The following RAP2A variants were observed in gnomAD, a reference collection of about 807,000 sequenced individuals.
RAP2A encodes ras-related protein Rap-2a.
RAP2A carries 5 observed loss-of-function variants against 15.1 expected under a neutral mutation model. The observed-to-expected ratio is 0.33, with a 90% CI of 0.17 to 0.70. The LOEUF (loss-of-function observed/expected upper bound fraction) is 0.70. Ranked by LOEUF, RAP2A falls within the 30% of genes least tolerant of loss-of-function variation. The pLI is 0.68. For synonymous variants in RAP2A, 110 were observed against 99.7 expected (o/e 1.10, Z -0.62); for missense variants, 111 against 240.3 (o/e 0.46, Z 3.56).
rs889346928 is a variant in RAP2A, at chr13:97,439,231, G to A, written c.314+4447G>A. On this transcript the variant is annotated intron_variant, in intron 1 of 1. Transcript: ENST00000245304. ...TAAAGACTTAGGAGTTGATCATGTA[G>A]TCAAGGACCATAATCACAATTGTCA... 5.3e-5 allele frequency among the ~76,000 whole-genome samples: 8 copies of A among 152,208 alleles called. No individual in the cohort carries two copies. The East Asian group carries it at 1.5e-3, about 29-fold the overall frequency.
In RAP2A at chr13:97,452,141, C is replaced by T. The variant is rs1289630817; in HGVS notation, c.315-12064C>T. ...CATAAATTCTTAATTTTATTGAAGT[C>T]AAATTTTAAATTCTTTTTATGGTTA... is the stretch of plus-strand genomic sequence containing the variant. On this transcript the variant is annotated intron_variant, in intron 1 of 1. Transcript: ENST00000245304. Among the ~76,000 whole-genome samples the T allele has an allele frequency of 2.6e-5, 4 of 150,976 alleles. 1 individual carries two copies. Among genetic ancestry groups the T allele is most frequent in the African/African-American group, 9.8e-5 (4 of 40,904 alleles).
rs1021202353 is a variant in RAP2A, at chr13:97,468,805, G to A, written c.*4363G>A. ...ATCAATAGTGGATAGTTGGAAGAAC[G>A]TCTTTGAGGCTAAAAAGTAGTACTC... On this transcript the variant is annotated 3_prime_UTR_variant, in exon 2 of 2. Coordinates refer to ENST00000245304, the MANE Select transcript of RAP2A (RefSeq NM_021033.7). 1.1e-4 allele frequency: 16 copies of A among 152,262 alleles called. No homozygotes were observed. Among genetic ancestry groups the A allele is most frequent in the African/African-American group, 3.1e-4 (13 of 41,566 alleles). The allele number at this position is 152,262 out of a possible 1,614,324, so 9.4% of individuals were successfully genotyped here. A position where few individuals can be genotyped will look rare whatever the true frequency, so the allele number is the denominator to read the frequency against.
Position 97,434,237 on chromosome 13 carries a change from C to T in RAP2A, c.-234C>T, listed in dbSNP as rs1276459486. On this transcript the variant is annotated 5_prime_UTR_variant, in exon 1 of 2. Transcript: ENST00000245304. ...CTCTCTCTGCTCGCCCTCAGTCCCA[C>T]CCGGTGCCTACGGGGCCGCATCGCC... is the stretch of plus-strand genomic sequence containing the variant. 1.3e-5 allele frequency: 2 copies of T among 150,078 alleles called. No homozygotes were observed. The highest frequency in any genetic ancestry group is 2.9e-5 in the Non-Finnish European group (2 of 69,042). The allele number at this position is 150,078 out of a possible 1,614,324, so 9.3% of individuals were successfully genotyped here.
chr13:97,440,666 T>C (rs193263023), intron 1 of RAP2A, among the ~76,000 whole-genome samples: 2 of 152,196 alleles, frequency 1.3e-5, no homozygotes, highest in East Asian at 1.9e-4. Flanking sequence ...GAGGTATGAT[T>C]GATGTACAAA....
At chr13:97,441,528 T>C (rs2066657582) in intron 1 of RAP2A, among the ~76,000 whole-genome samples, 1 of 152,152 alleles carries the variant, frequency 6.6e-6, no homozygotes, top group Non-Finnish European at 1.5e-5. Flanking sequence ...TATATGTACA[T>C]ATTTTTAAGC....
chr13:97,458,528 C>G (rs924895750), intron 1 of RAP2A, among the ~76,000 whole-genome samples: 1 of 152,124 alleles, frequency 6.6e-6, no homozygotes, highest in African/African-American at 2.4e-5. Context: ...GCCAGTGATT[C>G]CTAAACCCTG....
At chr13:97,441,277 GAATA>G (rs1300632254) in intron 1 of RAP2A, among the ~76,000 whole-genome samples, 2 of 151,942 alleles carry the variant, frequency 1.3e-5, no homozygotes, top group Admixed American at 6.6e-5. Context: ...CTACAATAAG[GAATA>G]ATTATACTAA....
At chr13:97,444,418 T>TG (rs1246766223) in intron 1 of RAP2A, among the ~76,000 whole-genome samples, 2 of 152,222 alleles carry the variant, frequency 1.3e-5, no homozygotes, top group African/African-American at 4.8e-5. Flanking sequence ...CAAATATGCA[T>TG]GGGGTGAAGA....
At chr13:97,459,952 A>G (rs2066739565) in intron 1 of RAP2A, among the ~76,000 whole-genome samples, 1 of 152,220 alleles carries the variant, frequency 6.6e-6, no homozygotes, top group South Asian at 2.1e-4. Flanking sequence ...TACATGATGT[A>G]TTGATTGTTC....
At chr13:97,438,444 T>C (rs2066643082) in intron 1 of RAP2A, among the ~76,000 whole-genome samples, 1 of 152,222 alleles carries the variant, frequency 6.6e-6, no homozygotes, top group Non-Finnish European at 1.5e-5. Flanking sequence ...TCCTACTCCG[T>C]CTTTCACCCT....
Position 97,434,321 on chromosome 13 carries a change from G to A in RAP2A, c.-150G>A, listed in dbSNP as rs1594320177. 2 of 470,718 alleles carry A rather than the reference G, an allele frequency of 4.2e-6. No homozygotes were observed. The highest frequency in any genetic ancestry group is 5.5e-6 in the Non-Finnish European group (2 of 364,760). The allele number at this position is 470,718 out of a possible 1,614,324, so 29.2% of individuals were successfully genotyped here. A position where few individuals can be genotyped will look rare whatever the true frequency, so the allele number is the denominator to read the frequency against. ...TGCTCCCTCAGTTGCCGCCGCCGCC[G>A]CCGGCGCCCAGGGGGCCGCCGCGGC... On this transcript the variant is annotated 5_prime_UTR_variant, in exon 1 of 2. Transcript: ENST00000245304.
intron 1 of RAP2A, among the ~76,000 whole-genome samples, chr13:97,454,346 T>C (rs1431627419): frequency 2.6e-5 from 4 of 151,388 alleles, no homozygotes; most frequent in Non-Finnish European, 5.9e-5. Flanking sequence ...GCCCACCATT[T>C]TACTGCTTGT....
At chr13:97,461,909 G>A (rs913992066) in intron 1 of RAP2A, among the ~76,000 whole-genome samples, 1 of 149,302 alleles carries the variant, frequency 6.7e-6, no homozygotes, top group Non-Finnish European at 1.5e-5. Context: ...CTTGCAGTGA[G>A]CAAAGATCAT....
chr13:97,464,003 T>G (rs1173872524), intron 1 of RAP2A, among the ~76,000 whole-genome samples: 1 of 152,230 alleles, frequency 6.6e-6, no homozygotes, highest in Non-Finnish European at 1.5e-5. Flanking sequence ...CATCATTTCA[T>G]AAAACTCATT....
chr13:97,441,231 T>G (rs2066656360), intron 1 of RAP2A, among the ~76,000 whole-genome samples: 1 of 152,162 alleles, frequency 6.6e-6, no homozygotes, highest in Admixed American at 6.5e-5. Flanking sequence ...CCCACAATTT[T>G]GTCTAGTTAA....
chr13:97,466,602 T>A lies in RAP2A; in HGVS notation c.*2160T>A, dbSNP rs545422649. ...AGTAAGATTGCAAAATAGAAATATC[T>A]ATAAAGATTCCACAGTTTGACATTA... On this transcript the variant is annotated 3_prime_UTR_variant, in exon 2 of 2. Coordinates refer to ENST00000245304, the MANE Select transcript of RAP2A (RefSeq NM_021033.7). 6.6e-6 allele frequency: 1 copy of A among 152,358 alleles called. No individual in the cohort carries two copies. The highest frequency in any genetic ancestry group is 1.9e-4 in the East Asian group (1 of 5,194). The allele number at this position is 152,358 out of a possible 1,614,324, so 9.4% of individuals were successfully genotyped here.
rs1440511929 is a variant in RAP2A at position 97,465,921 on chromosome 13, G to A, written c.*1479G>A. The A allele has an allele frequency of 1.3e-5, 2 of 152,108 alleles. No homozygotes were observed. Among genetic ancestry groups the A allele is most frequent in the Non-Finnish European group, 2.9e-5 (2 of 68,032 alleles). 9.4% of individuals were successfully genotyped at this position (152,108 alleles called of 1,614,324 possible). On this transcript the variant is annotated 3_prime_UTR_variant, in exon 2 of 2. Coordinates refer to ENST00000245304, the MANE Select transcript of RAP2A (RefSeq NM_021033.7). ...AGAACTGCAATATCACTGAGCCTGC[G>A]ATCTATACACCACCCCACATTTTGT...
At chr13:97,445,712 G>A (rs1347262757) in intron 1 of RAP2A, among the ~76,000 whole-genome samples, 1 of 152,024 alleles carries the variant, frequency 6.6e-6, no homozygotes, top group Non-Finnish European at 1.5e-5. Flanking sequence ...GAGTCCCCCA[G>A]CTGTGTGTGA....
At chr13:97,436,439 C>T (rs1203303197) in intron 1 of RAP2A, among the ~76,000 whole-genome samples, 1 of 152,008 alleles carries the variant, frequency 6.6e-6, no homozygotes, top group Non-Finnish European at 1.5e-5. Flanking sequence ...AAAAAATAAT[C>T]TAAGTAAATG....
Sources: gnomAD v4.1 joint callset for allele counts (sites outside exome capture counted in the v4.1 genomes callset) on GRCh38, gnomAD v4.1.1 for gene constraint, MANE v1.5 for transcripts, NCBI Gene and HGNC (gene_info 2026-07-23, HGNC 2026-07-21) for gene names.